Variants in HECTD2 observed in about 807,000 individuals in gnomAD.
The protein encoded by HECTD2 is HECT domain E3 ubiquitin protein ligase 2, also known as probable E3 ubiquitin-protein ligase HECTD2.
A neutral mutation model predicts 103.2 loss-of-function variants in HECTD2; 35 were observed. The observed-to-expected ratio is 0.34, with a 90% CI of 0.26 to 0.45. The LOEUF (loss-of-function observed/expected upper bound fraction) is 0.45, where lower values mean the gene tolerates loss of function less well. HECTD2 is among the 20% of genes least tolerant of loss of function. The pLI, the probability that HECTD2 is intolerant of heterozygous loss-of-function variation, is 1.00. For missense variants in HECTD2, 596 were observed against 937.4 expected, an observed-to-expected ratio of 0.64 and a Z score of 4.76; for synonymous variants, 281 against 329.9, an observed-to-expected ratio of 0.85 and a Z score of 1.61.
intron 2 of HECTD2, among the ~76,000 whole-genome samples, chr10:91,451,163 C>T (rs1018629278): frequency 3.9e-5 from 6 of 152,144 alleles, no homozygotes; most frequent in African/African-American, 1.4e-4. Flanking sequence ...AAGTATGGCA[C>T]ATATGCACCA....
chr10:91,420,361 A>T (rs998687592), intron 1 of HECTD2, among the ~76,000 whole-genome samples: 5 of 151,522 alleles, frequency 3.3e-5, no homozygotes, highest in South Asian at 2.1e-4. Flanking sequence ...CGAGGCAGGT[A>T]GATCATGAGG....
intron 2 of HECTD2, among the ~76,000 whole-genome samples, chr10:91,441,848 A>G (rs1844398042): frequency 7.4e-6 from 1 of 134,464 alleles, no homozygotes; most frequent in South Asian, 2.4e-4. Context: ...TTGTTGGTTT[A>G]AAGTCTGTTT....
intron 5 of HECTD2, among the ~76,000 whole-genome samples, chr10:91,473,422 C>T (rs1845798188): frequency 6.6e-6 from 1 of 152,070 alleles, no homozygotes; most frequent in South Asian, 2.1e-4. Flanking sequence ...CTGCCTTTAC[C>T]ACCAACAGAC....
intron 20 of HECTD2, among the ~76,000 whole-genome samples, chr10:91,504,823 T>G (rs936619300): frequency 4.0e-5 from 6 of 151,872 alleles, no homozygotes; most frequent in South Asian, 2.1e-4. Flanking sequence ...GACACATAAT[T>G]GTCAGATTCA....
Position 91,485,259 on chromosome 10 carries a change from C to T in HECTD2, c.1050C>T (p.Leu350=). 1 of 1,594,306 alleles carries T rather than the reference C, an allele frequency of 6.3e-7. No individual in the cohort carries two copies. Among genetic ancestry groups the T allele is most frequent in the Non-Finnish European group, 8.5e-7 (1 of 1,171,152 alleles). Residue 350 remains leucine (L), a synonymous_variant, in exon 10 of 21, where the codon CTC becomes CTT. Transcript: ENST00000298068. ...FYNSTLDHID[L]MEEYHTWQNF... ...ATTCTACATTGGATCACATTGATCT[C>T]ATGGAAGAATATCATACTTGGCAAA...
rs149964627 is a variant in HECTD2, at chr10:91,452,907, G to T, written c.269-7520G>T. ...ACATTTTCAGATGAAGAAAAACTAA[G>T]AATTTGTTGCCACTACATTTACTCT... is the stretch of plus-strand genomic sequence containing the variant. On this transcript the variant is annotated intron_variant, in intron 2 of 20. Transcript: ENST00000298068. 2.2e-3 allele frequency among the ~76,000 whole-genome samples: 336 copies of T among 152,120 alleles called. 2 individuals are homozygous for T. Among genetic ancestry groups the T allele is most frequent in the African/African-American group, 7.5e-3 (311 of 41,508 alleles).
chr10:91,449,432 A>C (rs937560335), intron 2 of HECTD2, among the ~76,000 whole-genome samples: 1 of 152,220 alleles, frequency 6.6e-6, no homozygotes, highest in African/African-American at 2.4e-5. Flanking sequence ...ACCCACAGTC[A>C]ATATCATACT....
intron 14 of HECTD2, among the ~76,000 whole-genome samples, chr10:91,495,605 A>G (rs1846637011): frequency 6.6e-6 from 1 of 152,090 alleles, no homozygotes; most frequent in Admixed American, 6.5e-5. Flanking sequence ...TGACTAATAA[A>G]TAATCCTGAG....
At chr10:91,422,161 A>G (rs139690402) in intron 1 of HECTD2, among the ~76,000 whole-genome samples, 21 of 152,240 alleles carry the variant, frequency 1.4e-4, no homozygotes, top group African/African-American at 4.3e-4. Context: ...TCAGGATAGA[A>G]TCTATACTCT....
chr10:91,466,251 A>G (rs549895877), intron 5 of HECTD2, among the ~76,000 whole-genome samples: 27 of 152,258 alleles, frequency 1.8e-4, no homozygotes, highest in African/African-American at 4.8e-4. Flanking sequence ...TTTAATGTCT[A>G]TAGAATCAGT....
intron 7 of HECTD2, 78 bp from the exon 8 acceptor site, chr10:91,482,889 C>A (rs183565282): frequency 1.7e-6 from 1 of 591,920 alleles, no homozygotes; most frequent in Admixed American, 3.1e-5. Context: ...GAATTTACCA[C>A]GTACTTATTA....
chr10:91,477,368 G>T (rs1425690345), intron 5 of HECTD2, among the ~76,000 whole-genome samples: 3 of 152,186 alleles, frequency 2.0e-5, no homozygotes, highest in African/African-American at 7.2e-5. Flanking sequence ...ACTGTCAGTG[G>T]TATTGAGTGT....
chr10:91,437,691 G>C (rs529584631), intron 2 of HECTD2, among the ~76,000 whole-genome samples: 4 of 145,948 alleles, frequency 2.7e-5, no homozygotes, highest in Non-Finnish European at 6.0e-5. Flanking sequence ...CTGTGTTTAA[G>C]GTAGAAATTC....
intron 1 of HECTD2, among the ~76,000 whole-genome samples, chr10:91,424,013 T>C (rs1194362183): frequency 2.0e-5 from 3 of 152,148 alleles, no homozygotes; most frequent in African/African-American, 7.2e-5. Flanking sequence ...GTTTCAGTGT[T>C]TGAAAACTAT....
chr10:91,436,616 GC>G (rs1435157328), intron 2 of HECTD2, among the ~76,000 whole-genome samples: 1 of 151,968 alleles, frequency 6.6e-6, no homozygotes, highest in Non-Finnish European at 1.5e-5. Context: ...CCAGACTTTT[GC>G]TTGAGTAGGG....
chr10:91,433,501 T>G (rs1259923548), intron 2 of HECTD2, among the ~76,000 whole-genome samples: 1 of 152,018 alleles, frequency 6.6e-6, no homozygotes, highest in East Asian at 1.9e-4. Context: ...CATAGAAAAC[T>G]TCTTTATTAT....
At chr10:91,453,036 A>G (rs1249601717) in intron 2 of HECTD2, among the ~76,000 whole-genome samples, 1 of 152,210 alleles carries the variant, frequency 6.6e-6, no homozygotes, top group Non-Finnish European at 1.5e-5. Flanking sequence ...TGATAAATAC[A>G]ATAGACTTTT....
At chr10:91,422,499 T>G (rs1243554740) in intron 1 of HECTD2, among the ~76,000 whole-genome samples, 1 of 152,176 alleles carries the variant, frequency 6.6e-6, no homozygotes, top group African/African-American at 2.4e-5. Flanking sequence ...CGCACTATTA[T>G]TAAGATTTTC....
At position 91,424,372 on chromosome 10, in the gene HECTD2, TAAG is replaced by T. The variant is rs975919947; in HGVS notation, c.139-905_139-903del. 2.0e-5 allele frequency among the ~76,000 whole-genome samples: 3 copies of T among 152,214 alleles called. No homozygotes were observed. The East Asian group carries it at 5.8e-4, about 29-fold the overall frequency. ...GTAAATGGCAATCAGTCTGGTGAAT[TAAG>T]AAGGAGGAGATGAAAAAGAAACTCT... On this transcript the variant is annotated intron_variant, in intron 1 of 20. Coordinates refer to ENST00000298068, the MANE Select transcript of HECTD2 (RefSeq NM_182765.6).
Sources: allele counts gnomAD v4.1 joint callset (sites outside exome capture counted in the v4.1 genomes callset), GRCh38; gene constraint gnomAD v4.1.1; transcripts MANE v1.5; gene names NCBI Gene and HGNC (gene_info 2026-07-23, HGNC 2026-07-21).